The following CUL2 variants were observed in gnomAD, a reference collection of about 807,000 sequenced individuals.
The protein encoded by CUL2 is cullin-2.
A neutral mutation model predicts 110.2 loss-of-function variants in CUL2; 22 were observed. The observed-to-expected ratio is 0.20, with a 90% CI of 0.14 to 0.28. The LOEUF (loss-of-function observed/expected upper bound fraction) is 0.28. CUL2 is among the 10% of genes least tolerant of loss of function. The pLI is 1.00. For synonymous variants in CUL2, 279 were observed against 293.2 expected (o/e 0.95, Z 0.49); for missense variants, 631 against 905.5 (o/e 0.70, Z 3.89).
chr10:35,011,415 C>T (rs528925250), intron 20 of CUL2, among the ~76,000 whole-genome samples: 3 of 151,892 alleles, frequency 2.0e-5, no homozygotes, highest in South Asian at 2.1e-4. Context: ...GTCAGGAGTT[C>T]GAGACCAGCC....
intron 17 of CUL2, among the ~76,000 whole-genome samples, chr10:35,020,367 T>C (rs1217121669): frequency 6.6e-6 from 1 of 152,194 alleles, no homozygotes; most frequent in Non-Finnish European, 1.5e-5. Flanking sequence ...AATTTGAATA[T>C]GGACTGGACA....
chr10:35,077,364 G>A (rs996830152), intron 1 of CUL2, among the ~76,000 whole-genome samples: 47 of 151,054 alleles, frequency 3.1e-4, no homozygotes, highest in Admixed American at 3.0e-3. Flanking sequence ...CGGGTGTGGT[G>A]GTGGCTGCCT....
In CUL2 at chr10:35,031,633, T is replaced by C. The variant is rs749337166; in HGVS notation, c.1171-14A>G. 7.4e-6 allele frequency: 12 copies of C among 1,613,608 alleles called. No homozygotes were observed. The highest frequency in any genetic ancestry group is 1.0e-5 in the Non-Finnish European group (12 of 1,179,882). ...GTACTTAGCAAGCTCATGTAGAAAT[T>C]GATAATAAATCTTACAAAGGGTGCT... is the stretch of plus-strand genomic sequence containing the variant. On this transcript the variant is annotated splice_polypyrimidine_tract_variant and intron_variant, in intron 12 of 20. Transcript: ENST00000374749. The surrounding 1 kb of genome is among the most constrained non-coding windows in gnomAD (Gnocchi z 4.4).
Position 35,035,214 on chromosome 10 carries a change from A to G in CUL2, c.960T>C (p.His320=). The G allele has an allele frequency of 1.2e-6, 2 of 1,614,204 alleles. No individual in the cohort carries two copies. The highest frequency in any genetic ancestry group is 1.1e-5 in the South Asian group (1 of 91,084). ...HMIQELQNHI[H]DEGLRATSNL... ...TGCTGGTTGCTCGAAGGCCCTCATC[A>G]TGGATGTGGTTTTGCAGCTCCTGAA... is the stretch of plus-strand genomic sequence containing the variant. Residue 320 remains histidine (H), a synonymous_variant, in exon 10 of 21, where the codon CAT becomes CAC. Transcript: ENST00000374749.
intron 4 of CUL2, among the ~76,000 whole-genome samples, chr10:35,057,774 A>AT (rs1404113775): frequency 2.6e-5 from 4 of 152,040 alleles, no homozygotes; most frequent in African/African-American, 9.7e-5. Context: ...TTACAATCAA[A>AT]TTTATTAACC....
At chr10:35,068,002 C>T (rs1414967604) in intron 2 of CUL2, among the ~76,000 whole-genome samples, 47 of 148,354 alleles carry the variant, frequency 3.2e-4, no homozygotes, top group Admixed American at 9.0e-4. Flanking sequence ...CCCAGCTACT[C>T]GGGAGGCTGA....
Position 35,016,237 on chromosome 10 carries a change from G to C in CUL2, c.1842C>G (p.Ile614Met). Reference protein sequence around the residue: ...QMNEKELTKTIKSLLDVKMIN... With the variant: ...QMNEKELTKTMKSLLDVKMIN... ...TCATTTTCACATCAAGTAATGATTT[G>C]ATTGTTTTTGTCAGTTCCTTTTCAT... The change falls in exon 18 of 21, where the codon ATC becomes ATG. Residue 614 changes from isoleucine (I) to methionine (M), a missense_variant. By Grantham distance (10) the Ile-to-Met change is conservative (BLOSUM62 1). Transcript: ENST00000374749. 6.2e-7 allele frequency: 1 copy of C among 1,613,940 alleles called. No homozygotes were observed. Among genetic ancestry groups the C allele is most frequent in the African/African-American group, 1.3e-5 (1 of 75,020 alleles).
Position 35,009,062 on chromosome 10 carries a change from A to G in CUL2, c.*1249T>C, listed in dbSNP as rs189504875. 6 of 151,056 alleles carry G rather than the reference A, an allele frequency of 4.0e-5. No homozygotes were observed. Among genetic ancestry groups the G allele is most frequent in the Non-Finnish European group, 8.9e-5 (6 of 67,696 alleles). The allele number at this position is 151,056 out of a possible 1,614,324, so 9.4% of individuals were successfully genotyped here. A position where few individuals can be genotyped will look rare whatever the true frequency, so the allele number is the denominator to read the frequency against. Reference sequence around the variant, plus strand: ...GAAACATGGCGAAACCCCGTCTCTTATTTTTTTTAAAATAAAGAAAAATTG... The same window carrying G: ...GAAACATGGCGAAACCCCGTCTCTTGTTTTTTTTAAAATAAAGAAAAATTG... On this transcript the variant is annotated 3_prime_UTR_variant, in exon 21 of 21. Transcript: ENST00000374749.
At chr10:35,014,913 A>T (rs531236311) in intron 18 of CUL2, among the ~76,000 whole-genome samples, 3 of 152,346 alleles carry the variant, frequency 2.0e-5, no homozygotes, top group Non-Finnish European at 4.4e-5. Flanking sequence ...GGCAGCAAAA[A>T]TAGCATGTTT....
At chr10:35,074,377 C>T in intron 1 of CUL2, 1 of 655,954 alleles carries the variant, frequency 1.5e-6, no homozygotes, top group South Asian at 1.7e-5. Context: ...CTGAACACAT[C>T]AGCCTGATTC....
In CUL2 at chr10:35,028,851, T is replaced by C. The variant is rs770836508; in HGVS notation, c.1576A>G (p.Thr526Ala). 6.2e-7 allele frequency: 1 copy of C among 1,612,280 alleles called. No individual in the cohort carries two copies. The highest frequency in any genetic ancestry group is 8.5e-7 in the Non-Finnish European group (1 of 1,178,864). The change falls in exon 16 of 21, where the codon ACG becomes GCG. Residue 526 changes from threonine to alanine, a missense_variant. Thr to Ala is a moderately conservative substitution (Grantham distance 58). Transcript: ENST00000374749. Reference protein sequence around the residue: ...AWPLTQAPSSTFAIPQELEKS... With the variant: ...AWPLTQAPSSAFAIPQELEKS... ...TCTAATTCCTGGGGAATTGCAAACG[T>C]AGATGAAGGAGCCTGAGTAAGAGGC...
chr10:35,045,558 A>AC (rs1314078136), intron 6 of CUL2, among the ~76,000 whole-genome samples: 3 of 151,336 alleles, frequency 2.0e-5, no homozygotes, highest in African/African-American at 7.3e-5. Context: ...AAAAAAAAAA[A>AC]AAACAACTTA....
chr10:35,091,667 G>C (rs896539232), upstream of CUL2, among the ~76,000 whole-genome samples: 1 of 151,946 alleles, frequency 6.6e-6, no homozygotes, highest in African/African-American at 2.4e-5. Flanking sequence ...ACCCAGGCTG[G>C]AATGCAGTGG....
intron 2 of CUL2, among the ~76,000 whole-genome samples, chr10:35,096,000 C>A (rs763328893): frequency 1.3e-5 from 2 of 152,138 alleles, no homozygotes; most frequent in Non-Finnish European, 2.9e-5. Context: ...GTAATCCCAG[C>A]ACTTTCGGAG....
chr10:35,056,209 G>A (rs2086237490), intron 4 of CUL2, among the ~76,000 whole-genome samples: 1 of 152,046 alleles, frequency 6.6e-6, no homozygotes, highest in Non-Finnish European at 1.5e-5. Flanking sequence ...CAAAAGTCAA[G>A]TCCTCAAAAA....
chr10:35,104,172 C>T (rs776649463), intron 1 of CUL2, among the ~76,000 whole-genome samples: 8 of 152,138 alleles, frequency 5.3e-5, no homozygotes, highest in Non-Finnish European at 8.8e-5. Context: ...AGAGGCTGGG[C>T]GTAGTGGCTC....
At chr10:35,122,206 T>C (rs2087686475) in intron 1 of CUL2, among the ~76,000 whole-genome samples, 1 of 152,262 alleles carries the variant, frequency 6.6e-6, no homozygotes, top group African/African-American at 2.4e-5. Flanking sequence ...ACGGCCTGCA[T>C]AGAAATGCTT....
chr10:35,119,592 A>C (rs969431197), intron 1 of CUL2, among the ~76,000 whole-genome samples: 18 of 149,664 alleles, frequency 1.2e-4, no homozygotes, highest in African/African-American at 4.5e-4. Flanking sequence ...TTATTTATTT[A>C]TTTATTTATT....
chr10:35,054,308 G>C, intron 5 of CUL2, 126 bp downstream of exon 5: 2 of 570,598 alleles, frequency 3.5e-6, no homozygotes, highest in Admixed American at 3.8e-5. Context: ...ATTTTATTTA[G>C]GATCTTTTAA....
Sources: allele counts gnomAD v4.1 joint callset (sites outside exome capture counted in the v4.1 genomes callset), GRCh38; gene constraint gnomAD v4.1.1; non-coding constraint Gnocchi (gnomAD v3.1); transcripts MANE v1.5; gene names NCBI Gene and HGNC (gene_info 2026-07-23, HGNC 2026-07-21).